Variants in BICC1 observed in about 807,000 individuals in gnomAD.
The protein encoded by BICC1 is BicC family RNA binding protein 1.
BICC1 carries 43 observed loss-of-function variants against 111.0 expected under a neutral mutation model. The ratio of observed to expected loss-of-function variants is 0.39; its 90% CI spans 0.30 to 0.50. BICC1 has a LOEUF of 0.50. BICC1 is among the 20% of genes least tolerant of loss of function. BICC1 has a pLI of 0.88. For missense variants in BICC1, 1,091 were observed against 1,203.2 expected (o/e 0.91, Z 1.38); for synonymous variants, 467 against 434.4 (o/e 1.07, Z -0.93).
intron 2 of BICC1, among the ~76,000 whole-genome samples, chr10:58,651,631 T>C (rs1440994804): frequency 6.6e-6 from 1 of 152,212 alleles, no homozygotes; most frequent in Non-Finnish European, 1.5e-5. Flanking sequence ...TTCTTTATTT[T>C]ATGTTTTTGT....
At chr10:58,656,617 G>T (rs1838661334) in intron 2 of BICC1, among the ~76,000 whole-genome samples, 2 of 151,930 alleles carry the variant, frequency 1.3e-5, no homozygotes, top group African/African-American at 2.4e-5. Context: ...TATCTCAATA[G>T]ATGCAGAAAA....
At chr10:58,521,743 A>G (rs1297678173) in intron 1 of BICC1, among the ~76,000 whole-genome samples, 1 of 140,856 alleles carries the variant, frequency 7.1e-6, no homozygotes, top group African/African-American at 2.6e-5. Flanking sequence ...AGTTGTGGGC[A>G]TGAAAATCAG....
At chr10:58,762,552 TTA>T (rs1842345644) in intron 3 of BICC1, among the ~76,000 whole-genome samples, 6 of 152,042 alleles carry the variant, frequency 3.9e-5, no homozygotes, top group Admixed American at 3.9e-4. Flanking sequence ...GAAGAACAGG[TTA>T]TTAAGTGGCC....
In BICC1 at chr10:58,522,177, A is replaced by G. The variant is rs148700266; in HGVS notation, c.190+8844A>G. Among the ~76,000 whole-genome samples the G allele has an allele frequency of 2.1e-3, 317 of 152,040 alleles. 3 individuals are homozygous for G. The highest frequency in any genetic ancestry group is 7.2e-3 in the African/African-American group (298 of 41,506). On this transcript the variant is annotated intron_variant, in intron 1 of 20. Transcript: ENST00000373886. ...TTCTTGCGGAGGGCAATATTGTCAT[A>G]TTGCACAGTAGGCTCACAATGCATT...
chr10:58,772,369 G>A (rs1030510356), intron 3 of BICC1, among the ~76,000 whole-genome samples: 1 of 152,068 alleles, frequency 6.6e-6, no homozygotes, highest in Non-Finnish European at 1.5e-5. Context: ...GTTTTCTCCT[G>A]TGTCTCTTAT....
Position 58,796,341 on chromosome 10 carries a change from C to G in BICC1, c.1181C>G (p.Ser394Cys), listed in dbSNP as rs1033042781. 12 of 1,612,758 alleles carry G rather than the reference C, an allele frequency of 7.4e-6. No homozygotes were observed. Among genetic ancestry groups the G allele is most frequent in the Non-Finnish European group, 1.0e-5 (12 of 1,179,388 alleles). Residue 394 changes from serine (S) to cysteine (C), a missense_variant and splice_region_variant, in exon 10 of 21, where the codon TCT becomes TGT. This residue lies in a region of BICC1 where 843 missense variants were observed against 900.8 expected (regional missense o/e 0.94). Coordinates refer to ENST00000373886, the MANE Select transcript of BICC1 (RefSeq NM_001080512.3). ...TTCCCCCATTATGTGTTTTCATAGT[C>G]TGTGATTGTGAAAAGTGTTGAGCGA... Reference protein sequence around the residue: ...IKPKPKQPSKSVIVKSVERNA... With the variant: ...IKPKPKQPSKCVIVKSVERNA...
At chr10:58,607,045 G>A (rs899029417) in intron 1 of BICC1, among the ~76,000 whole-genome samples, 13 of 152,032 alleles carry the variant, frequency 8.6e-5, no homozygotes, top group Non-Finnish European at 1.2e-4. Flanking sequence ...GGCCTGGCGC[G>A]GTGTCTCACG....
At chr10:58,720,964 G>T (rs963439067) in intron 3 of BICC1, among the ~76,000 whole-genome samples, 1 of 152,188 alleles carries the variant, frequency 6.6e-6, no homozygotes, top group Non-Finnish European at 1.5e-5. Context: ...ACCCACAGTG[G>T]ACATCTCCCA....
At chr10:58,793,746 G>A in intron 9 of BICC1, 131 bp downstream of exon 9, 3 of 974,628 alleles carry the variant, frequency 3.1e-6, no homozygotes, top group Non-Finnish European at 4.5e-6. Context: ...CCCCAATCCG[G>A]AATGCTCCAA....
At chr10:58,791,094 T>C (rs1450664695) in intron 8 of BICC1, among the ~76,000 whole-genome samples, 1 of 152,196 alleles carries the variant, frequency 6.6e-6, no homozygotes, top group African/African-American at 2.4e-5. Context: ...ATCAGTAAGA[T>C]TGTAATCCAC....
chr10:58,791,141 G>A (rs891485352), intron 8 of BICC1, among the ~76,000 whole-genome samples: 1 of 151,964 alleles, frequency 6.6e-6, no homozygotes, highest in Non-Finnish European at 1.5e-5. Flanking sequence ...TTTTAGCCGA[G>A]CTTATTTTAT....
intron 2 of BICC1, among the ~76,000 whole-genome samples, chr10:58,679,397 A>G (rs1185650850): frequency 1.3e-5 from 2 of 152,260 alleles, no homozygotes; most frequent in African/African-American, 4.8e-5. Context: ...ATCAGAAAAT[A>G]CTATAAGCAC....
At chr10:58,648,747 C>G in intron 2 of BICC1, 1 of 737,404 alleles carries the variant, frequency 1.4e-6, no homozygotes, top group African/African-American at 1.9e-5. Context: ...TGTCTTTTAT[C>G]TTAATCATGA....
chr10:58,724,649 C>G (rs1197522602), intron 3 of BICC1, among the ~76,000 whole-genome samples: 1 of 152,186 alleles, frequency 6.6e-6, no homozygotes, highest in Admixed American at 6.5e-5. Context: ...TGGCTCTGCC[C>G]CAGTAGTTAT....
chr10:58,769,347 T>C lies in BICC1; in HGVS notation c.308-15654T>C, dbSNP rs1304555970. ...AGGTCAGTATGTGAAGTGATAGATA[T>C]GTTGATTGTGGTAATAGTTTTATAA... On this transcript the variant is annotated intron_variant, in intron 3 of 20. Transcript: ENST00000373886. Among the ~76,000 whole-genome samples, 5 of 148,446 alleles carry C rather than the reference T, an allele frequency of 3.4e-5. No individual in the cohort carries two copies. The East Asian group carries it at 9.9e-4, about 29-fold the overall frequency.
chr10:58,732,600 G>C (rs960452023), intron 3 of BICC1, among the ~76,000 whole-genome samples: 1 of 150,882 alleles, frequency 6.6e-6, no homozygotes, highest in Non-Finnish European at 1.5e-5. Context: ...GGGCAACATG[G>C]TGAAACCCTG....
chr10:58,553,286 C>A (rs878931442), intron 1 of BICC1, among the ~76,000 whole-genome samples: 3 of 152,112 alleles, frequency 2.0e-5, no homozygotes, highest in Admixed American at 2.0e-4. Context: ...CCAGGTGGGC[C>A]TAATGCAATC....
intron 2 of BICC1, chr10:58,649,958 T>C (rs774639904): frequency 1.3e-5 from 2 of 152,212 alleles, no homozygotes; most frequent in African/African-American, 4.8e-5. Flanking sequence ...AAATATTTTT[T>C]TGAATATAAC....
At chr10:58,735,613 T>A (rs1841442616) in intron 3 of BICC1, among the ~76,000 whole-genome samples, 2 of 152,294 alleles carry the variant, frequency 1.3e-5, no homozygotes, top group East Asian at 1.9e-4. Context: ...TCCCCATTTA[T>A]GATTGGGAAC....
Sources: gnomAD v4.1 joint callset for allele counts (sites outside exome capture counted in the v4.1 genomes callset) on GRCh38, gnomAD v4.1.1 for gene constraint, gnomAD v4.1.1 regional missense constraint, MANE v1.5 for transcripts, NCBI Gene and HGNC (gene_info 2026-07-23, HGNC 2026-07-21) for gene names.